FLNB: variants seen among roughly 807,000 people sequenced by gnomAD.
The protein encoded by FLNB is filamin B.
A neutral mutation model predicts 250.6 loss-of-function variants in FLNB; 111 were observed. That is an observed-to-expected ratio of 0.44 (90% CI 0.38 to 0.52). FLNB has a LOEUF of 0.52. Ranked by LOEUF, FLNB falls within the 20% of genes least tolerant of loss-of-function variation. FLNB has a pLI of 0.00. For missense variants in FLNB, 2,869 were observed against 3,447.8 expected, an observed-to-expected ratio of 0.83 and a Z score of 4.20; for synonymous variants, 1,302 against 1,372.1, an observed-to-expected ratio of 0.95 and a Z score of 1.13.
intron 1 of FLNB, among the ~76,000 whole-genome samples, chr3:58,044,990 T>C (rs1026980213): frequency 2.6e-5 from 4 of 152,248 alleles, no homozygotes; most frequent in African/African-American, 7.2e-5. Context: ...CCTTTGGCTC[T>C]GTGGAGTTTT....
chr3:58,133,447 A>AGG (rs2097311112), intron 26 of FLNB, among the ~76,000 whole-genome samples: 1 of 149,100 alleles, frequency 6.7e-6, no homozygotes, highest in Non-Finnish European at 1.5e-5. Flanking sequence ...GAAAAAAAAA[A>AGG]AAAAAAAAAA....
At chr3:58,122,187 AC>A (rs1163890315) in intron 20 of FLNB, among the ~76,000 whole-genome samples, 1,502 of 125,128 alleles carry the variant, frequency 0.012, 20 homozygotes, top group Non-Finnish European at 0.016. Context: ...AAAAAAAAAA[AC>A]CACAAAAAAA....
At chr3:58,143,196 C>T (rs1406591450) in intron 31 of FLNB, among the ~76,000 whole-genome samples, 3 of 151,914 alleles carry the variant, frequency 2.0e-5, no homozygotes, top group Admixed American at 2.0e-4. Flanking sequence ...CAGCTGGTTT[C>T]ATGGTGTTCT....
chr3:58,124,593 T>C (rs527476067), intron 22 of FLNB, 88 bp downstream of exon 22: 4 of 1,415,026 alleles, frequency 2.8e-6, no homozygotes, highest in East Asian at 4.7e-5. Context: ...GCCTGCCCCA[T>C]GTGCTAGGCC....
intron 8 of FLNB, among the ~76,000 whole-genome samples, chr3:58,099,535 T>C (rs1483869060): frequency 6.6e-6 from 1 of 152,124 alleles, no homozygotes; most frequent in Non-Finnish European, 1.5e-5. Flanking sequence ...TTGTTGCCCC[T>C]TTTTTTCTGT....
At chr3:58,105,454 A>G (rs2097258110) in intron 11 of FLNB, among the ~76,000 whole-genome samples, 1 of 152,238 alleles carries the variant, frequency 6.6e-6, no homozygotes, top group African/African-American at 2.4e-5. Context: ...TGTGCCTAAA[A>G]CAATGCTTGG....
In FLNB at chr3:58,168,650, A is replaced by G. The variant is rs1465463564; in HGVS notation, c.7409A>G (p.Lys2470Arg). ...NHIVGSPFKA[K>R]VTGQRLVSPG... ...ATCGTGGGCAGTCCCTTCAAGGCCA[A>G]GGTGACAGGTAACGAACAACCACCT... Residue 2470 changes from lysine to arginine, a missense_variant, in exon 44 of 46, where the codon AAG becomes AGG. Physicochemically the swap from Lys to Arg is conservative, Grantham distance 26. This residue lies in a region of FLNB where 1,084 missense variants were observed against 1,315.5 expected (regional missense o/e 0.82). Transcript: ENST00000295956. The G allele has an allele frequency of 1.2e-6, 2 of 1,612,700 alleles. No homozygotes were observed. Among genetic ancestry groups the G allele is most frequent in the Non-Finnish European group, 8.5e-7 (1 of 1,179,094 alleles).
chr3:58,074,122 G>C (rs2097198496), intron 1 of FLNB, among the ~76,000 whole-genome samples: 1 of 152,232 alleles, frequency 6.6e-6, no homozygotes, highest in Non-Finnish European at 1.5e-5. Flanking sequence ...CAGTAAAGGA[G>C]ACGACAAACA....
At chr3:58,093,450 T>C (rs2097231737) in intron 4 of FLNB, among the ~76,000 whole-genome samples, 1 of 152,212 alleles carries the variant, frequency 6.6e-6, no homozygotes, top group African/African-American at 2.4e-5. Context: ...TCTAAGCTTC[T>C]GATCATGACT....
In FLNB at chr3:58,080,741, C is replaced by T. The variant is rs551753620; in HGVS notation, c.640-888C>T. On this transcript the variant is annotated intron_variant, in intron 3 of 45. Coordinates refer to ENST00000295956, the MANE Select transcript of FLNB (RefSeq NM_001457.4). ...ACTCCTGACCTCGTGATCCACCCAC[C>T]TCGGCCTCCCAAAGTGCTGGGATTA... 1.4e-3 allele frequency among the ~76,000 whole-genome samples: 209 copies of T among 144,974 alleles called. 1 individual carries two copies. The highest frequency in any genetic ancestry group is 4.8e-3 in the African/African-American group (188 of 38,788).
In FLNB at chr3:58,170,617, C is replaced by G. The variant is rs779527417; in HGVS notation, c.7664C>G (p.Pro2555Arg). ...ATCGGGGTCCATGGGCCCACCACCC[C>G]CTGCGAGGAGGTCTCCATGAAGCAT... is the stretch of plus-strand genomic sequence containing the variant. ...LLIGVHGPTT[P>R]CEEVSMKHVG... is the part of the protein sequence containing the mutation. Residue 2555 changes from proline to arginine, a missense_variant, in exon 46 of 46, where the codon CCC becomes CGC. Physicochemically the swap from Pro to Arg is moderately radical, Grantham distance 103 (BLOSUM62 -2). Around this residue, in one of 5 missense-constraint regions of FLNB, gnomAD observed 1,084 missense variants for 1,315.5 expected, o/e 0.82. Coordinates refer to ENST00000295956, the MANE Select transcript of FLNB (RefSeq NM_001457.4). The G allele has an allele frequency of 1.9e-6, 3 of 1,614,170 alleles. No homozygotes were observed. The highest frequency in any genetic ancestry group is 2.2e-5 in the East Asian group (1 of 44,886).
At position 58,008,440 on chromosome 3, in the gene FLNB, G is replaced by T. The variant is rs911390482; in HGVS notation, c.-125G>T. On this transcript the variant is annotated 5_prime_UTR_variant, in exon 1 of 46. Transcript: ENST00000295956. ...CGGCCGCAGAGCAGCACCGGCCGTG[G>T]CTCCGGTAGCAGCAAGTTCGAACCC... is the stretch of plus-strand genomic sequence containing the variant. 1.6e-4 allele frequency: 188 copies of T among 1,174,742 alleles called. No individual in the cohort carries two copies. Among genetic ancestry groups the T allele is most frequent in the Non-Finnish European group, 2.2e-4 (177 of 818,118 alleles). 72.8% of individuals were successfully genotyped at this position (1,174,742 alleles called of 1,614,324 possible). A position where few individuals can be genotyped will look rare whatever the true frequency, so the allele number is the denominator to read the frequency against.
intron 31 of FLNB, 139 bp from the exon 32 acceptor site, chr3:58,143,333 TG>T: frequency 1.2e-6 from 1 of 853,406 alleles, no homozygotes; most frequent in Non-Finnish European, 1.9e-6. Context: ...TCTCCCATTG[TG>T]GGACTTGAAT....
At chr3:58,043,875 A>G (rs2097149741) in intron 1 of FLNB, among the ~76,000 whole-genome samples, 2 of 152,176 alleles carry the variant, frequency 1.3e-5, no homozygotes, top group African/African-American at 2.4e-5. Context: ...GATCCCTATA[A>G]TGAACCACGG....
intron 4 of FLNB, among the ~76,000 whole-genome samples, chr3:58,083,113 T>C (rs539395660): frequency 1.3e-5 from 2 of 152,354 alleles, no homozygotes; most frequent in East Asian, 3.9e-4. Context: ...AGAATTTCTC[T>C]ATTGTCCTAA....
chr3:58,109,765 G>A (rs1437362011), intron 15 of FLNB, 66 bp downstream of exon 15: 58 of 1,607,414 alleles, frequency 3.6e-5, no homozygotes, highest in East Asian at 2.7e-4. Context: ...TTTTCATAAC[G>A]TTTCAATGCC....
chr3:58,008,973 AGTC>A (rs1343715280), intron 1 of FLNB, 117 bp downstream of exon 1: 2 of 1,259,740 alleles, frequency 1.6e-6, no homozygotes, highest in African/African-American at 2.9e-5. Context: ...GATAAGGGGG[AGTC>A]GTCCCCAGGG....
intron 1 of FLNB, among the ~76,000 whole-genome samples, chr3:58,039,022 CTTT>C (rs375425626): frequency 1.4e-5 from 2 of 138,060 alleles, no homozygotes; most frequent in African/African-American, 2.7e-5. Context: ...AAGTTAGTTC[CTTT>C]TTTTTTTTTT....
chr3:58,020,952 G>A (rs1442125413), intron 1 of FLNB, among the ~76,000 whole-genome samples: 4 of 152,008 alleles, frequency 2.6e-5, no homozygotes, highest in African/African-American at 9.7e-5. Context: ...GACTGAGGGA[G>A]AGGCAGGCCT....
Sources: allele counts gnomAD v4.1 joint callset (sites outside exome capture counted in the v4.1 genomes callset), GRCh38; gene constraint gnomAD v4.1.1; regional missense constraint gnomAD v4.1.1; transcripts MANE v1.5; gene names NCBI Gene and HGNC (gene_info 2026-07-23, HGNC 2026-07-21).